The following PKHD1 variants were observed in gnomAD, a reference collection of about 807,000 sequenced individuals.
The protein encoded by PKHD1 is PKHD1 ciliary IPT domain containing fibrocystin/polyductin.
PKHD1 carries 291 observed loss-of-function variants against 412.0 expected under a neutral mutation model. The ratio of observed to expected loss-of-function variants is 0.71; its 90% CI spans 0.64 to 0.78. PKHD1 has a LOEUF of 0.78. Ranked by LOEUF, PKHD1 falls within the 30% of genes least tolerant of loss-of-function variation. The pLI is 0.00. For synonymous variants in PKHD1, 1,777 were observed against 1,821.5 expected (o/e 0.98, Z 0.62); for missense variants, 4,825 against 4,950.7 (o/e 0.97, Z 0.76).
intron 29 of PKHD1, among the ~76,000 whole-genome samples, chr6:52,032,167 T>C (rs1436882282): frequency 6.6e-6 from 1 of 152,214 alleles, no homozygotes. Context: ...TTTATTTATG[T>C]ACTCTTGAGC....
In PKHD1 at chr6:52,033,175, C is replaced by G. The variant is rs747317518; in HGVS notation, c.3229-10G>C. The G allele has an allele frequency of 3.7e-6, 6 of 1,610,134 alleles. No homozygotes were observed. Among genetic ancestry groups the G allele is most frequent in the Non-Finnish European group, 5.1e-6 (6 of 1,176,952 alleles). On this transcript the variant is annotated splice_polypyrimidine_tract_variant and intron_variant, in intron 28 of 66. Coordinates refer to ENST00000371117, the MANE Select transcript of PKHD1 (RefSeq NM_138694.4). ...TGCGTCCATCTTTCCCCTGAAAAAT[C>G]AATTTTAAAAATTAAACCTCAGTTT...
chr6:51,683,769 T>C (rs536483089), intron 60 of PKHD1, among the ~76,000 whole-genome samples: 3 of 152,210 alleles, frequency 2.0e-5, no homozygotes, highest in Non-Finnish European at 2.9e-5. Context: ...ATTGTAATCA[T>C]TGATTTTATA....
Position 51,847,758 on chromosome 6 carries a change from T to A in PKHD1, c.8107+17A>T. 6.4e-7 allele frequency: 1 copy of A among 1,557,882 alleles called. No individual in the cohort carries two copies. Among genetic ancestry groups the A allele is most frequent in the South Asian group, 1.1e-5 (1 of 89,968 alleles). Reference sequence around the variant, plus strand: ...TGACTATGTGCTCTCAAAACATTCATCCAATTGGATACTTACCCAGATAGG... The same window carrying A: ...TGACTATGTGCTCTCAAAACATTCAACCAATTGGATACTTACCCAGATAGG... On this transcript the variant is annotated intron_variant, in intron 50 of 66. Transcript: ENST00000371117.
intron 53 of PKHD1, 60 bp downstream of exon 53, chr6:51,791,176 G>A (rs1054035949): frequency 6.5e-7 from 1 of 1,544,486 alleles, no homozygotes; most frequent in Non-Finnish European, 9.0e-7. Context: ...CTGTTTCCCA[G>A]AGCCCCTTCT....
At chr6:51,735,636 C>T (rs546173136) in intron 60 of PKHD1, among the ~76,000 whole-genome samples, 5 of 152,194 alleles carry the variant, frequency 3.3e-5, no homozygotes, top group Admixed American at 2.6e-4. Context: ...CTTAAAAACA[C>T]AGTTCGGGGC....
At chr6:51,934,067 A>T in intron 37 of PKHD1, 43 bp downstream of exon 37, 1 of 1,450,108 alleles carries the variant, frequency 6.9e-7, no homozygotes, top group Non-Finnish European at 9.7e-7. Context: ...CCACTGCTAG[A>T]CACAGCTCTA....
At chr6:51,798,799 C>T (rs1393492101) in intron 52 of PKHD1, among the ~76,000 whole-genome samples, 3 of 152,184 alleles carry the variant, frequency 2.0e-5, no homozygotes, top group African/African-American at 7.2e-5. Context: ...CTATAGCACA[C>T]TCAACCAATA....
chr6:52,073,883 C>T (rs892358572), intron 6 of PKHD1, among the ~76,000 whole-genome samples: 1 of 152,122 alleles, frequency 6.6e-6, no homozygotes, highest in African/African-American at 2.4e-5. Flanking sequence ...CTGTTCCATT[C>T]TCTTGGCTCT....
intron 35 of PKHD1, among the ~76,000 whole-genome samples, chr6:51,975,041 T>C (rs866856214): frequency 6.6e-6 from 1 of 151,928 alleles, no homozygotes; most frequent in African/African-American, 2.4e-5. Flanking sequence ...AAATTTCTAT[T>C]ATTTAAACAA....
chr6:51,989,901 G>GAGGAAGGA (rs1562072321), intron 35 of PKHD1, among the ~76,000 whole-genome samples: 3 of 2,740 alleles, frequency 1.1e-3, no homozygotes, highest in African/African-American at 1.6e-3. Flanking sequence ...AGGAAGGAGG[G>GAGGAAGGA]AGGAAGGAAG....
chr6:51,860,620 A>T (rs907588718), intron 48 of PKHD1, among the ~76,000 whole-genome samples: 1 of 152,092 alleles, frequency 6.6e-6, no homozygotes, highest in Non-Finnish European at 1.5e-5. Context: ...CTCTCCCTGA[A>T]CTTCTCATGG....
At chr6:51,690,430 T>C (rs1201108432) in intron 60 of PKHD1, among the ~76,000 whole-genome samples, 1 of 152,052 alleles carries the variant, frequency 6.6e-6, no homozygotes, top group Non-Finnish European at 1.5e-5. Flanking sequence ...TACAGGCCTA[T>C]AGTAATCAAA....
intron 35 of PKHD1, among the ~76,000 whole-genome samples, chr6:52,006,577 A>C (rs1799092964): frequency 1.3e-5 from 2 of 151,984 alleles, no homozygotes; most frequent in African/African-American, 4.8e-5. Flanking sequence ...GGGTTTCACC[A>C]TGTTGGCCAG....
At chr6:51,818,839 G>A (rs868341954) in intron 52 of PKHD1, among the ~76,000 whole-genome samples, 2 of 152,108 alleles carry the variant, frequency 1.3e-5, no homozygotes, top group East Asian at 1.9e-4. Context: ...ATGGACCACC[G>A]AGTGACTTTG....
chr6:51,747,342 A>G (rs576911153), intron 58 of PKHD1, among the ~76,000 whole-genome samples: 3 of 147,162 alleles, frequency 2.0e-5, no homozygotes, highest in Admixed American at 6.6e-5. Context: ...TCTACATTTC[A>G]ATTTCCTCAC....
rs758665885 is a variant in PKHD1 at position 51,659,264 on chromosome 6, T to C, written c.10862A>G (p.Asn3621Ser). 16 of 1,613,848 alleles carry C rather than the reference T, an allele frequency of 9.9e-6. No homozygotes were observed. The highest frequency in any genetic ancestry group is 1.3e-5 in the African/African-American group (1 of 75,034). ...ACTAGTGCAAGTCACAGTAGGGCAATTGCGCTTTCTTTTTGCTCTACTGTC... is the reference window on the plus strand; with the variant it reads ...ACTAGTGCAAGTCACAGTAGGGCAACTGCGCTTTCTTTTTGCTCTACTGTC... ...IADSRAKRKR[N>S]CPTVTCTSHY... The change falls in exon 61 of 67, where the codon AAT (asparagine) becomes AGT (serine). Residue 3621 changes from asparagine to serine, a missense_variant. Asn to Ser is a conservative substitution (Grantham distance 46). Coordinates refer to ENST00000371117, the MANE Select transcript of PKHD1 (RefSeq NM_138694.4).
At chr6:52,053,051 G>A in intron 21 of PKHD1, 25 bp downstream of exon 21, 5 of 1,610,384 alleles carry the variant, frequency 3.1e-6, no homozygotes, top group Non-Finnish European at 4.2e-6. Flanking sequence ...ACCGGCTTGT[G>A]GAGGAGAGAG....
Position 51,772,738 on chromosome 6 carries a change from G to A in PKHD1, c.8606C>T (p.Thr2869Ile). 2 of 1,598,618 alleles carry A rather than the reference G, an allele frequency of 1.3e-6. No homozygotes were observed. Among genetic ancestry groups the A allele is most frequent in the Non-Finnish European group, 1.7e-6 (2 of 1,166,412 alleles). Reference sequence around the variant, plus strand: ...TGAGGCAATATCAGCTCCAAGATGTGTCCAGGAGTTCTTAGGATAAGCACT... The same window carrying A: ...TGAGGCAATATCAGCTCCAAGATGTATCCAGGAGTTCTTAGGATAAGCACT... ...LYSAYPKNSW[T>I]HLGADIASGN... The change falls in exon 55 of 67, where the codon ACA (threonine) becomes ATA (isoleucine). Residue 2869 changes from threonine (T) to isoleucine (I), a missense_variant. Thr to Ile is a moderately conservative substitution (Grantham distance 89, BLOSUM62 -1). Transcript: ENST00000371117.
At chr6:51,824,869 G>T (rs1767060650) in intron 52 of PKHD1, among the ~76,000 whole-genome samples, 2 of 152,172 alleles carry the variant, frequency 1.3e-5, no homozygotes, top group Non-Finnish European at 2.9e-5. Flanking sequence ...CCACTGCAAA[G>T]TGAGCAATTC....
Sources: gnomAD v4.1 joint callset for allele counts (sites outside exome capture counted in the v4.1 genomes callset) on GRCh38, gnomAD v4.1.1 for gene constraint, MANE v1.5 for transcripts, NCBI Gene and HGNC (gene_info 2026-07-23, HGNC 2026-07-21) for gene names.